LMX1B: variants seen among roughly 807,000 people sequenced by gnomAD.
LMX1B encodes LIM homeobox transcription factor 1-beta.
In LMX1B, 12 loss-of-function variants were observed where a neutral mutation model predicts 51.4. That is an observed-to-expected ratio of 0.23 (90% confidence interval 0.15 to 0.38). The LOEUF (loss-of-function observed/expected upper bound fraction) is 0.38. LMX1B is among the 10% of genes least tolerant of loss of function. The pLI, the probability that LMX1B is intolerant of heterozygous loss-of-function variation, is 1.00. For missense variants in LMX1B, 445 were observed against 571.1 expected (o/e 0.78, Z 2.25); for synonymous variants, 237 against 235.4 (o/e 1.01, Z -0.06).
intron 2 of LMX1B, among the ~76,000 whole-genome samples, chr9:126,662,584 C>T (rs550955441): frequency 6.6e-6 from 1 of 152,338 alleles, no homozygotes; most frequent in East Asian, 1.9e-4. Flanking sequence ...CTCCCACGCC[C>T]TGCCCTCGGG....
rs1836508381 is a variant in LMX1B, at chr9:126,673,961, T to TTGGGAGATGC, written c.327-16871_327-16862dup. Reference sequence around the variant, plus strand: ...ACAGCTGCCTTGTCTGTCCGTCTGTTTGGGAGATGCTGGCTGATAGATGGG... The same window carrying TTGGGAGATGC: ...ACAGCTGCCTTGTCTGTCCGTCTGTTTGGGAGATGCTGGGAGATGCTGGCTGATAGATGGG... On this transcript the variant is annotated intron_variant, in intron 2 of 7. Transcript: ENST00000373474. The surrounding 1 kb of genome is among the most constrained non-coding windows in gnomAD (Gnocchi z 4.4). Among the ~76,000 whole-genome samples, 1 of 152,102 alleles carries TTGGGAGATGC rather than the reference T, an allele frequency of 6.6e-6. No homozygotes were observed. Among genetic ancestry groups the TTGGGAGATGC allele is most frequent in the African/African-American group, 2.4e-5 (1 of 41,394 alleles).
At chr9:126,661,113 C>A (rs1345769795) in intron 2 of LMX1B, among the ~76,000 whole-genome samples, 1 of 152,202 alleles carries the variant, frequency 6.6e-6, no homozygotes, top group Non-Finnish European at 1.5e-5. Context: ...AGCCTCTAAC[C>A]GTAGTAGACA....
chr9:126,650,922 C>T (rs1026864498), intron 2 of LMX1B, among the ~76,000 whole-genome samples: 1 of 152,214 alleles, frequency 6.6e-6, no homozygotes, highest in African/African-American at 2.4e-5. Flanking sequence ...CCCCGGGGCA[C>T]ACTTAGAGAA....
intron 2 of LMX1B, among the ~76,000 whole-genome samples, chr9:126,685,212 G>T (rs1024970199): frequency 2.6e-5 from 4 of 152,178 alleles, no homozygotes; most frequent in African/African-American, 7.2e-5. Context: ...TGCAAAGGAA[G>T]GGGGCAGAGA....
intron 2 of LMX1B, among the ~76,000 whole-genome samples, chr9:126,665,169 C>G (rs1407512597): frequency 1.3e-5 from 2 of 152,226 alleles, no homozygotes; most frequent in African/African-American, 2.4e-5. Flanking sequence ...GCCTTCGCGC[C>G]TCTCTGGCTT....
At position 126,671,421 on chromosome 9, in the gene LMX1B, G is replaced by C. The variant is rs1012395299; in HGVS notation, c.327-19415G>C. ...TCAGCTGGGGCCCCTGGCCTGGCCA[G>C]CCAGGGCCGAGGGGCCCATCTTTGT... On this transcript the variant is annotated intron_variant, in intron 2 of 7. Transcript: ENST00000373474. This position sits in a 1 kb window ranked among gnomAD's most constrained non-coding sequence, Gnocchi z 4.4. Among the ~76,000 whole-genome samples, 1 of 152,036 alleles carries C rather than the reference G, an allele frequency of 6.6e-6. No individual in the cohort carries two copies. The highest frequency in any genetic ancestry group is 1.5e-5 in the Non-Finnish European group (1 of 67,982).
chr9:126,686,841 T>C (rs985951965), intron 2 of LMX1B, among the ~76,000 whole-genome samples: 7 of 152,230 alleles, frequency 4.6e-5, no homozygotes, highest in Non-Finnish European at 7.3e-5. Context: ...TTGAGGGTTC[T>C]GTGAGGATTG....
At chr9:126,685,539 G>T (rs1312089380) in intron 2 of LMX1B, among the ~76,000 whole-genome samples, 2 of 152,212 alleles carry the variant, frequency 1.3e-5, no homozygotes, top group East Asian at 1.9e-4. Flanking sequence ...GTTGCCCTAA[G>T]CTGTGGCGGA....
chr9:126,683,757 A>T (rs910001946), intron 2 of LMX1B, among the ~76,000 whole-genome samples: 1 of 152,220 alleles, frequency 6.6e-6, no homozygotes, highest in African/African-American at 2.4e-5. Flanking sequence ...TAAGGTGGGA[A>T]TTGGGGTCAC....
intron 2 of LMX1B, among the ~76,000 whole-genome samples, chr9:126,654,849 G>A (rs1836082153): frequency 6.6e-6 from 1 of 152,076 alleles, no homozygotes. Flanking sequence ...TGGCCATCCA[G>A]GCCTAGACAT....
intron 2 of LMX1B, among the ~76,000 whole-genome samples, chr9:126,646,286 A>G (rs913905944): frequency 3.3e-5 from 5 of 152,086 alleles, no homozygotes; most frequent in African/African-American, 7.2e-5. Flanking sequence ...TCATTTGTCC[A>G]TCCACCTACC....
chr9:126,614,736 G>C, intron 1 of LMX1B, 148 bp downstream of exon 1: 3 of 888,812 alleles, frequency 3.4e-6, no homozygotes, highest in Admixed American at 7.3e-5. Context: ...TGGAGTGATC[G>C]CCAGAGGGCC....
In LMX1B at chr9:126,661,651, T is replaced by A. The variant is rs540050254; in HGVS notation, c.327-29185T>A. ...AGGAGCCTGGGGCTCTGTGGAGCCC[T>A]GTGGGGCCCCGCCCACCCCTCCCCA... On this transcript the variant is annotated intron_variant, in intron 2 of 7. Coordinates refer to ENST00000373474, the MANE Select transcript of LMX1B (RefSeq NM_001174147.2). Among the ~76,000 whole-genome samples the A allele has an allele frequency of 2.6e-5, 4 of 152,196 alleles. No individual in the cohort carries two copies. In the South Asian group the frequency reaches 8.3e-4, roughly 32 times the overall value.
rs1275380601 is a variant in LMX1B, at chr9:126,678,326, AAAC to A, written c.327-12507_327-12505del. Among the ~76,000 whole-genome samples the A allele has an allele frequency of 1.4e-3, 152 of 109,072 alleles. 2 individuals are homozygous for A. The highest frequency in any genetic ancestry group is 7.7e-3 in the African/African-American group (140 of 18,128). The allele number at this position is 109,072 out of a possible 152,430, so 71.6% of individuals were successfully genotyped here. On this transcript the variant is annotated intron_variant, in intron 2 of 7. Coordinates refer to ENST00000373474, the MANE Select transcript of LMX1B (RefSeq NM_001174147.2). ...CTTCGTCTCAAAAAAAAAAAACAAA[AAAC>A]AAAAAAAAAAAACAAAAAGACTGCG...
At chr9:126,661,579 G>A (rs1836247069) in intron 2 of LMX1B, among the ~76,000 whole-genome samples, 1 of 152,164 alleles carries the variant, frequency 6.6e-6, no homozygotes, top group South Asian at 2.1e-4. Context: ...CCAGACAAGG[G>A]AGGCCCCTCC....
At chr9:126,645,923 T>G (rs554343431) in intron 2 of LMX1B, among the ~76,000 whole-genome samples, 2 of 152,152 alleles carry the variant, frequency 1.3e-5, no homozygotes, top group African/African-American at 4.8e-5. Context: ...AGCCCCACCG[T>G]GCCCCTGAGA....
chr9:126,686,741 T>C (rs2029905301), intron 2 of LMX1B, among the ~76,000 whole-genome samples: 1 of 152,190 alleles, frequency 6.6e-6, no homozygotes, highest in South Asian at 2.1e-4. Context: ...GAGTATCTGG[T>C]GATGCTGCCG....
chr9:126,666,507 G>A (rs1836343900), intron 2 of LMX1B, among the ~76,000 whole-genome samples: 1 of 152,326 alleles, frequency 6.6e-6, no homozygotes, highest in South Asian at 2.1e-4. Flanking sequence ...GGAAAAGTAA[G>A]TGAGGGCAAA....
In LMX1B at chr9:126,677,805, GAGGAAGCTTAGTCC is replaced by G. The variant is rs1836594146; in HGVS notation, c.327-13028_327-13015del. On this transcript the variant is annotated intron_variant, in intron 2 of 7. Coordinates refer to ENST00000373474, the MANE Select transcript of LMX1B (RefSeq NM_001174147.2). The surrounding 1 kb of genome is among the most constrained non-coding windows in gnomAD (Gnocchi z 5.0). ...CATGTACTCAGGGCATTGCGGGGAG[GAGGAAGCTTAGTCC>G]AGATCTCAGGAAAGAGACTGGGTAG... Among the ~76,000 whole-genome samples, 6 of 152,324 alleles carry G rather than the reference GAGGAAGCTTAGTCC, an allele frequency of 3.9e-5. No individual in the cohort carries two copies. The South Asian group carries it at 1.2e-3, about 32-fold the overall frequency.
Sources: allele counts gnomAD v4.1 joint callset (sites outside exome capture counted in the v4.1 genomes callset), GRCh38; gene constraint gnomAD v4.1.1; non-coding constraint Gnocchi (gnomAD v3.1); transcripts MANE v1.5; gene names NCBI Gene and HGNC (gene_info 2026-07-23, HGNC 2026-07-21).